Variants in ZNF324B observed in about 807,000 individuals in gnomAD.
ZNF324B encodes zinc finger protein 324B.
Under a neutral mutation model 10.6 loss-of-function variants are expected in ZNF324B, and 7 were observed. The ratio of observed to expected loss-of-function variants is 0.66; its 90% CI spans 0.38 to 1.24. ZNF324B has a LOEUF of 1.24. Among genes scored for constraint, ZNF324B ranks in the 50% most tolerant of loss-of-function variants. The pLI, the probability that ZNF324B is intolerant of heterozygous loss-of-function variation, is 0.02. For missense variants in ZNF324B, 640 were observed against 764.7 expected, an observed-to-expected ratio of 0.84 and a Z score of 1.92; for synonymous variants, 316 against 321.0, an observed-to-expected ratio of 0.98 and a Z score of 0.17.
At chr19:58,434,475 T>G in the ZNF324B span, 1 of 1,614,256 alleles carries the variant, frequency 6.2e-7, no homozygotes, top group Non-Finnish European at 8.5e-7. Flanking sequence ...TTTTCCCACA[T>G]GCAATGCACT....
chr19:58,441,494 C>G, the ZNF324B span: 1 of 152,130 alleles, frequency 6.6e-6, no homozygotes, highest in African/African-American at 2.4e-5. Flanking sequence ...GGTGAAGGAC[C>G]ATCCCAAGTA....
Position 58,456,938 on chromosome 19 carries a change from A to T in ZNF324B, c.*359A>T. 1 of 322,116 alleles carries T rather than the reference A, an allele frequency of 3.1e-6. No homozygotes were observed. Among genetic ancestry groups the T allele is most frequent in the Non-Finnish European group, 5.8e-6 (1 of 172,434 alleles). 20.0% of individuals were successfully genotyped at this position (322,116 alleles called of 1,614,324 possible). On this transcript the variant is annotated 3_prime_UTR_variant, in exon 4 of 4. Transcript: ENST00000336614. This position sits in a 1 kb window ranked among gnomAD's most constrained non-coding sequence, Gnocchi z 4.7. ...GAGAGTGGATGCTGAGGTGAGGGGGATGCGGACATGGGGTAGGATGACCTA... is the reference window on the plus strand; with the variant it reads ...GAGAGTGGATGCTGAGGTGAGGGGGTTGCGGACATGGGGTAGGATGACCTA...
Position 58,453,711 on chromosome 19 carries a change from G to C in ZNF324B, c.10G>C (p.Glu4Gln). 1 of 1,614,156 alleles carries C rather than the reference G, an allele frequency of 6.2e-7. No homozygotes were observed. Among genetic ancestry groups the C allele is most frequent in the Non-Finnish European group, 8.5e-7 (1 of 1,180,018 alleles). MTF[E>Q]DVAVYFSQEE... The stretch of plus-strand genomic sequence containing the variant: ...GCTGTTTTAGGACCTGATGACCTTC[G>C]AGGATGTGGCCGTGTACTTCTCCCA... Residue 4 changes from glutamate to glutamine, a missense_variant, in exon 2 of 4, where the codon GAG becomes CAG. Physicochemically the swap from Glu to Gln is conservative, Grantham distance 29. Coordinates refer to ENST00000336614, the MANE Select transcript of ZNF324B (RefSeq NM_207395.3).
rs1338954543 is a variant in ZNF324B, at chr19:58,455,041, C to T, written c.239-142C>T. The T allele has an allele frequency of 8.6e-7, 1 of 1,163,006 alleles. No individual in the cohort carries two copies. The highest frequency in any genetic ancestry group is 1.3e-6 in the Non-Finnish European group (1 of 785,556). The allele number at this position is 1,163,006 out of a possible 1,614,324, so 72.0% of individuals were successfully genotyped here. ...AGATGCTTCCTCCAAACCCCAGCCC[C>T]TCCTGCAGAGCCAGCCTCACCTCTT... On this transcript the variant is annotated intron_variant, in intron 3 of 3. Transcript: ENST00000336614. This position sits in a 1 kb window ranked among gnomAD's most constrained non-coding sequence, Gnocchi z 7.0.
the ZNF324B span, chr19:58,434,214 T>C: frequency 6.2e-7 from 1 of 1,614,162 alleles, no homozygotes; most frequent in East Asian, 2.2e-5. Flanking sequence ...GGCTGAAGGA[T>C]TTACCACATT....
the ZNF324B span, chr19:58,434,813 G>A: frequency 1.2e-6 from 2 of 1,614,202 alleles, no homozygotes; most frequent in Non-Finnish European, 8.5e-7. Context: ...TCAACAGCTT[G>A]AAGCTGGAGG....
chr19:58,456,623 C>T lies in ZNF324B; in HGVS notation c.*44C>T. On this transcript the variant is annotated 3_prime_UTR_variant, in exon 4 of 4. Coordinates refer to ENST00000336614, the MANE Select transcript of ZNF324B (RefSeq NM_207395.3). This position sits in a 1 kb window ranked among gnomAD's most constrained non-coding sequence, Gnocchi z 4.7. ...AACCCTTTCTTGGCCTTCTGTGAAT[C>T]CCTTCCACAGCTAAAGGGTCCGAGT... 1 of 1,582,842 alleles carries T rather than the reference C, an allele frequency of 6.3e-7. No individual in the cohort carries two copies. Among genetic ancestry groups the T allele is most frequent in the African/African-American group, 1.3e-5 (1 of 74,408 alleles).
the ZNF324B span, chr19:58,434,181 G>T: frequency 1.2e-6 from 2 of 1,614,092 alleles, no homozygotes; most frequent in Non-Finnish European, 8.5e-7. Flanking sequence ...GAACTCTCCA[G>T]TGCTGAATGA....
chr19:58,419,954 A>T, the ZNF324B span, among the ~76,000 whole-genome samples: 2 of 152,310 alleles, frequency 1.3e-5, no homozygotes, highest in Admixed American at 1.3e-4. Context: ...CAGCGACTAC[A>T]GTTACACACC....
chr19:58,426,309 T>C, the ZNF324B span, among the ~76,000 whole-genome samples: 2 of 152,206 alleles, frequency 1.3e-5, no homozygotes, highest in African/African-American at 4.8e-5. Context: ...GTATAATGGC[T>C]GAAGCTCTGG....
In ZNF324B at chr19:58,457,823, A is replaced by G. The variant is rs1208947398; in HGVS notation, c.*1244A>G. ...AGTATTTGCAACTTCAAATAGATGTAGTTTCCTTTACAGCCGTGTGGACCT... is the reference window on the plus strand; with the variant it reads ...AGTATTTGCAACTTCAAATAGATGTGGTTTCCTTTACAGCCGTGTGGACCT... On this transcript the variant is annotated 3_prime_UTR_variant, in exon 4 of 4. Coordinates refer to ENST00000336614, the MANE Select transcript of ZNF324B (RefSeq NM_207395.3). The G allele has an allele frequency of 6.6e-6, 1 of 152,176 alleles. No homozygotes were observed. The highest frequency in any genetic ancestry group is 1.5e-5 in the Non-Finnish European group (1 of 68,048). 9.4% of individuals were successfully genotyped at this position (152,176 alleles called of 1,614,324 possible).
the ZNF324B span, chr19:58,437,186 G>A: frequency 3.7e-6 from 6 of 1,610,162 alleles, no homozygotes; most frequent in South Asian, 6.6e-5. Flanking sequence ...TCAATGTGGG[G>A]ACAGCTGAGC....
the ZNF324B span, chr19:58,442,142 C>T: frequency 6.8e-6 from 1 of 146,240 alleles, no homozygotes; most frequent in Admixed American, 6.8e-5. Flanking sequence ...CGCGGACCCT[C>T]GTGTTGAGTG....
At chr19:58,436,909 TCAGCACCC>T in the ZNF324B span, 1 of 1,183,136 alleles carries the variant, frequency 8.5e-7, no homozygotes, top group South Asian at 1.2e-5. Flanking sequence ...CAGCAGAACC[TCAGCACCC>T]CAGCACCTAC....
intron 1 of ZNF324B, among the ~76,000 whole-genome samples, chr19:58,453,025 A>G (rs1488957983): frequency 6.6e-6 from 1 of 151,936 alleles, no homozygotes; most frequent in Non-Finnish European, 1.5e-5. Context: ...CAGTGAGCCG[A>G]GATTGCCCCA....
In ZNF324B at chr19:58,456,335, A is replaced by G; in HGVS notation, c.1391A>G (p.Lys464Arg). The G allele has an allele frequency of 1.2e-6, 2 of 1,612,654 alleles. No homozygotes were observed. The highest frequency in any genetic ancestry group is 1.7e-6 in the Non-Finnish European group (2 of 1,179,844). Residue 464 changes from lysine (K) to arginine (R), a missense_variant, in exon 4 of 4, where the codon AAG becomes AGG. This residue lies in a region of ZNF324B where 238 missense variants were observed against 258.0 expected (regional missense o/e 0.92). Coordinates refer to ENST00000336614, the MANE Select transcript of ZNF324B (RefSeq NM_207395.3). The surrounding 1 kb of genome is among the most constrained non-coding windows in gnomAD (Gnocchi z 4.7). ...RCVDCGKGFA[K>R]GAVLLSHRRI... ...GTGGACTGTGGCAAGGGTTTCGCCA[A>G]GGGCGCCGTGCTGCTCAGCCACCGG...
upstream of ZNF324B, among the ~76,000 whole-genome samples, chr19:58,449,811 A>G (rs546249942): frequency 1.3e-5 from 2 of 152,318 alleles, no homozygotes; most frequent in East Asian, 1.9e-4. Flanking sequence ...GCTCATAGGA[A>G]GAAGGGAATT....
At chr19:58,433,774 G>A in the ZNF324B span, 4 of 1,614,050 alleles carry the variant, frequency 2.5e-6, no homozygotes, top group Non-Finnish European at 3.4e-6. Flanking sequence ...TTCAATGAGA[G>A]TGGAGCTGTG....
chr19:58,424,343 C>A, the ZNF324B span, among the ~76,000 whole-genome samples: 2 of 152,280 alleles, frequency 1.3e-5, no homozygotes, highest in Non-Finnish European at 2.9e-5. Flanking sequence ...TATTCGACAT[C>A]TTTTATCTCA....
Sources: gnomAD v4.1 joint callset for allele counts (sites outside exome capture counted in the v4.1 genomes callset) on GRCh38, gnomAD v4.1.1 for gene constraint, gnomAD v4.1.1 regional missense constraint, Gnocchi (gnomAD v3.1) non-coding constraint, MANE v1.5 for transcripts, NCBI Gene and HGNC (gene_info 2026-07-23, HGNC 2026-07-21) for gene names.